The following SI variants were observed in gnomAD, a reference collection of about 807,000 sequenced individuals.
The protein encoded by SI is sucrase-isomaltase, intestinal.
In SI, 235 loss-of-function variants were observed where a neutral mutation model predicts 253.3. The observed-to-expected ratio is 0.93, with a 90% CI of 0.83 to 1.03. The LOEUF (loss-of-function observed/expected upper bound fraction) is 1.03, where lower values mean the gene tolerates loss of function less well. Ranked by LOEUF, SI falls within the 50% of genes least tolerant of loss-of-function variation. SI has a pLI of 0.00. For synonymous variants in SI, 819 were observed against 712.0 expected (o/e 1.15, Z -2.39); for missense variants, 2,442 against 2,211.1 (o/e 1.10, Z -2.09).
intron 34 of SI, among the ~76,000 whole-genome samples, chr3:165,011,308 A>C (rs1244193610): frequency 6.6e-6 from 1 of 151,632 alleles, no homozygotes; most frequent in Non-Finnish European, 1.5e-5. Flanking sequence ...TTGTATTTTT[A>C]TTTTTGTTTG....
At chr3:165,066,904 T>C (rs1218507907) in intron 6 of SI, among the ~76,000 whole-genome samples, 1 of 151,976 alleles carries the variant, frequency 6.6e-6, no homozygotes, top group Non-Finnish European at 1.5e-5. Flanking sequence ...CATACAATCA[T>C]AATGAAGGTG....
intron 45 of SI, among the ~76,000 whole-genome samples, chr3:164,985,808 C>T (rs916646990): frequency 2.0e-5 from 3 of 151,956 alleles, no homozygotes; most frequent in African/African-American, 7.2e-5. Flanking sequence ...TAAAAATCTC[C>T]TATGGGAGAT....
chr3:165,053,081 CT>C (rs1452856690), intron 13 of SI, among the ~76,000 whole-genome samples: 1 of 151,588 alleles, frequency 6.6e-6, no homozygotes, highest in Non-Finnish European at 1.5e-5. Context: ...AAAATATTGA[CT>C]AACACTTTTG....
rs558800948 is a variant in SI, at chr3:165,001,454, T to C, written c.4407-2781A>G. Among the ~76,000 whole-genome samples the C allele has an allele frequency of 1.1e-4, 16 of 151,604 alleles. No homozygotes were observed. The East Asian group carries it at 3.1e-3, about 29-fold the overall frequency. On this transcript the variant is annotated intron_variant, in intron 37 of 47. Transcript: ENST00000264382. ...CAGAAAATGTAATATCTGTTTTAATTTTGAAATTGGATAAGTATTTTGTAG... is the reference window on the plus strand; with the variant it reads ...CAGAAAATGTAATATCTGTTTTAATCTTGAAATTGGATAAGTATTTTGTAG...
At chr3:165,060,179 A>C in intron 9 of SI, 152 bp from the exon 10 acceptor site, 1 of 685,524 alleles carries the variant, frequency 1.5e-6, no homozygotes. Context: ...CCTGGATTCT[A>C]AACAATTTCC....
At chr3:165,027,605 G>C (rs1711996925) in intron 25 of SI, among the ~76,000 whole-genome samples, 2 of 151,110 alleles carry the variant, frequency 1.3e-5, no homozygotes, top group South Asian at 4.1e-4. Flanking sequence ...CAAAAAGATA[G>C]CCCAACATGA....
intron 47 of SI, among the ~76,000 whole-genome samples, chr3:164,981,365 T>C (rs933893311): frequency 6.6e-6 from 1 of 152,062 alleles, no homozygotes; most frequent in Non-Finnish European, 1.5e-5. Context: ...TGTTTAACTC[T>C]GACATCCTCT....
At chr3:165,056,332 G>T (rs1713692444) in intron 12 of SI, among the ~76,000 whole-genome samples, 2 of 152,084 alleles carry the variant, frequency 1.3e-5, no homozygotes, top group Admixed American at 6.6e-5. Context: ...GAAGCTTATG[G>T]CAGAGAGACA....
In SI at chr3:165,040,929, G is replaced by A. The variant is rs761959886; in HGVS notation, c.2159+11C>T. 41 of 1,592,650 alleles carry A rather than the reference G, an allele frequency of 2.6e-5. No individual in the cohort carries two copies. The highest frequency in any genetic ancestry group is 1.3e-4 in the Admixed American group (8 of 59,854). ...AAAGGTATTATTATAATTATTGTACGTAGTACTCACTCATGAAGAACTGGT... is the reference window on the plus strand; with the variant it reads ...AAAGGTATTATTATAATTATTGTACATAGTACTCACTCATGAAGAACTGGT... On this transcript the variant is annotated intron_variant, in intron 18 of 47. Transcript: ENST00000264382.
chr3:165,039,551 A>C (rs936854861), intron 19 of SI, among the ~76,000 whole-genome samples: 1 of 152,048 alleles, frequency 6.6e-6, no homozygotes, highest in Non-Finnish European at 1.5e-5. Flanking sequence ...CTTTATTTAC[A>C]ATTGAGCAAA....
intron 25 of SI, among the ~76,000 whole-genome samples, chr3:165,024,981 A>G (rs1711828515): frequency 6.6e-6 from 1 of 151,230 alleles, no homozygotes; most frequent in Non-Finnish European, 1.5e-5. Flanking sequence ...AACAATTTGC[A>G]TAGTTGATCA....
At chr3:165,059,423 C>T (rs566377526) in intron 10 of SI, 124 bp from the exon 11 acceptor site, 2 of 949,496 alleles carry the variant, frequency 2.1e-6, no homozygotes, top group Non-Finnish European at 3.3e-6. Context: ...AACGTCCATC[C>T]TTTTCATTTC....
intron 37 of SI, among the ~76,000 whole-genome samples, chr3:165,004,258 C>G (rs751908018): frequency 6.6e-6 from 1 of 152,120 alleles, no homozygotes; most frequent in Non-Finnish European, 1.5e-5. Context: ...GACATCATCT[C>G]GCCCTAGTTA....
intron 3 of SI, among the ~76,000 whole-genome samples, chr3:165,073,004 A>G (rs1714683375): frequency 6.6e-6 from 1 of 152,142 alleles, no homozygotes; most frequent in South Asian, 2.1e-4. Flanking sequence ...AATATAGTTT[A>G]TTTCACACTG....
intron 34 of SI, among the ~76,000 whole-genome samples, chr3:165,011,551 T>C (rs1455742914): frequency 6.6e-6 from 1 of 152,096 alleles, no homozygotes; most frequent in Admixed American, 6.6e-5. Flanking sequence ...AAATGTTCTA[T>C]GGGCACTTGA....
intron 9 of SI, among the ~76,000 whole-genome samples, chr3:165,061,255 A>T (rs9290260): frequency 9.9e-5 from 15 of 151,602 alleles, no homozygotes; most frequent in African/African-American, 3.4e-4. Flanking sequence ...TTTACTTAAC[A>T]TGTGGGAGAT....
chr3:165,086,761 C>T, the SI span, among the ~76,000 whole-genome samples: 240 of 152,230 alleles, frequency 1.6e-3, no homozygotes, highest in African/African-American at 5.4e-3. Context: ...GTTCTTGAAG[C>T]AGATGGGCAT....
At chr3:165,064,611 A>G (rs543312705) in intron 7 of SI, among the ~76,000 whole-genome samples, 117 of 152,262 alleles carry the variant, frequency 7.7e-4, no homozygotes, top group Non-Finnish European at 1.4e-3. Context: ...TTTGAGCAAC[A>G]AACATAAAAA....
chr3:165,064,094 A>G (rs1170008983), intron 7 of SI, among the ~76,000 whole-genome samples: 1 of 151,530 alleles, frequency 6.6e-6, no homozygotes. Context: ...AAAATAAAAA[A>G]TAAAAATAAA....
Sources: allele counts gnomAD v4.1 joint callset (sites outside exome capture counted in the v4.1 genomes callset), GRCh38; gene constraint gnomAD v4.1.1; transcripts MANE v1.5; gene names NCBI Gene and HGNC (gene_info 2026-07-23, HGNC 2026-07-21).